The following GAB2 variants were observed in gnomAD, a reference collection of about 807,000 sequenced individuals.
The protein encoded by GAB2 is GRB2 associated binding protein 2, also known as GRB2-associated-binding protein 2.
A neutral mutation model predicts 65.5 loss-of-function variants in GAB2; 26 were observed. The ratio of observed to expected loss-of-function variants is 0.40; its 90% CI spans 0.29 to 0.55. The LOEUF is 0.55. GAB2 is among the 20% of genes least tolerant of loss of function. The pLI, the probability that GAB2 is intolerant of heterozygous loss-of-function variation, is 0.53. For synonymous variants in GAB2, 321 were observed against 329.6 expected (o/e 0.97, Z 0.28); for missense variants, 884 against 875.8 (o/e 1.01, Z -0.12).
chr11:78,325,563 A>G (rs1855807225), intron 1 of GAB2, among the ~76,000 whole-genome samples: 1 of 152,178 alleles, frequency 6.6e-6, no homozygotes, highest in Non-Finnish European at 1.5e-5. Flanking sequence ...ACATACGAAC[A>G]TACAGAGAGG....
Position 78,226,620 on chromosome 11 carries a change from G to GGGGGGGGGGGGGCC in GAB2, c.1051_1052insGGCCCCCCCCCCCC (p.Pro351ArgfsTer81). On this transcript the variant is annotated frameshift_variant, in exon 4 of 10. Transcript: ENST00000361507. LOFTEE classifies it high-confidence loss of function. Reference sequence around the variant, plus strand: ...ACTTGGCTTGGGGGGGCGGGGTGGGGGAGCTATGGCTGAGTCCCCAGGAGT... The same window carrying GGGGGGGGGGGGGCC: ...ACTTGGCTTGGGGGGGCGGGGTGGGGGGGGGGGGGGGGCCGAGCTATGGCTGAGTCCCCAGGAGT... The GGGGGGGGGGGGGCC allele has an allele frequency of 1.3e-6, 2 of 1,500,550 alleles. No homozygotes were observed. Among genetic ancestry groups the GGGGGGGGGGGGGCC allele is most frequent in the Non-Finnish European group, 9.3e-7 (1 of 1,079,016 alleles). The allele number at this position is 1,500,550 out of a possible 1,614,324, so 93.0% of individuals were successfully genotyped here.
At chr11:78,344,332 C>T (rs1293617399) in intron 1 of GAB2, among the ~76,000 whole-genome samples, 1 of 152,086 alleles carries the variant, frequency 6.6e-6, no homozygotes, top group Non-Finnish European at 1.5e-5. Flanking sequence ...ATGGCAGATG[C>T]TGTTTTTCTT....
At chr11:78,397,872 T>C (rs1451901885) in intron 1 of GAB2, among the ~76,000 whole-genome samples, 1 of 152,146 alleles carries the variant, frequency 6.6e-6, no homozygotes. Flanking sequence ...TTAGCCTCAA[T>C]AAGTTATAGT....
Position 78,417,753 on chromosome 11 carries a change from C to CGGACGA in GAB2, c.-39_-34dup, listed in dbSNP as rs1417770015. The CGGACGA allele has an allele frequency of 3.5e-6, 4 of 1,154,622 alleles. No homozygotes were observed. The highest frequency in any genetic ancestry group is 3.3e-5 in the African/African-American group (2 of 60,332). The allele number at this position is 1,154,622 out of a possible 1,614,324, so 71.5% of individuals were successfully genotyped here. On this transcript the variant is annotated 5_prime_UTR_variant, in exon 1 of 10. Coordinates refer to ENST00000361507, the MANE Select transcript of GAB2 (RefSeq NM_080491.3). ...GCCTGGAGCCCCCCGCCGGGTCGCG[C>CGGACGA]GGACGAGGGCGCGGGCTCGGGCAGC...
chr11:78,415,021 TCCATGACGCCCAG>T (rs1444399914), intron 1 of GAB2, among the ~76,000 whole-genome samples: 1 of 151,984 alleles, frequency 6.6e-6, no homozygotes, highest in Non-Finnish European at 1.5e-5. Flanking sequence ...ACAGATGCCC[TCCATGACGCCCAG>T]CTAATTTTTA....
At chr11:78,375,796 T>C (rs1023576258) in intron 1 of GAB2, among the ~76,000 whole-genome samples, 2 of 152,226 alleles carry the variant, frequency 1.3e-5, no homozygotes, top group South Asian at 2.1e-4. Flanking sequence ...AGATTTTCCT[T>C]GGGGACCACG....
At chr11:78,233,125 C>T (rs938284231) in intron 3 of GAB2, among the ~76,000 whole-genome samples, 2 of 150,022 alleles carry the variant, frequency 1.3e-5, no homozygotes, top group African/African-American at 2.5e-5. Context: ...CTGCAACCTC[C>T]GCCTCCTGGG....
chr11:78,223,897 A>G (rs1307116270), intron 5 of GAB2, among the ~76,000 whole-genome samples: 1 of 152,090 alleles, frequency 6.6e-6, no homozygotes, highest in Non-Finnish European at 1.5e-5. Flanking sequence ...CTTGGCCAAC[A>G]TGGCAAAACC....
chr11:78,391,388 A>G (rs1219502455), intron 1 of GAB2, among the ~76,000 whole-genome samples: 1 of 152,226 alleles, frequency 6.6e-6, no homozygotes, highest in Admixed American at 6.5e-5. Context: ...TTCCCTTTCC[A>G]TGAATCTGAG....
chr11:78,393,990 T>C (rs1240415757), intron 1 of GAB2, among the ~76,000 whole-genome samples: 1 of 152,218 alleles, frequency 6.6e-6, no homozygotes, highest in Non-Finnish European at 1.5e-5. Flanking sequence ...AAGAATTTAT[T>C]AAGAAGCCAT....
intron 1 of GAB2, among the ~76,000 whole-genome samples, chr11:78,311,075 C>G (rs1205681989): frequency 2.6e-5 from 4 of 152,138 alleles, no homozygotes; most frequent in African/African-American, 4.8e-5. Context: ...CAAGATGGGA[C>G]AGTTCTCAGA....
chr11:78,394,013 G>C (rs1856864388), intron 1 of GAB2, among the ~76,000 whole-genome samples: 1 of 152,250 alleles, frequency 6.6e-6, no homozygotes, highest in African/African-American at 2.4e-5. Context: ...TATGGGCCAG[G>C]CGTGGTGGCT....
chr11:78,271,764 G>A (rs531531880), intron 2 of GAB2, among the ~76,000 whole-genome samples: 172 of 152,328 alleles, frequency 1.1e-3, no homozygotes, highest in African/African-American at 2.7e-3. Context: ...AGGCCAAGGC[G>A]GGTGGATCAC....
intron 2 of GAB2, among the ~76,000 whole-genome samples, chr11:78,251,364 G>A (rs1402993283): frequency 6.6e-6 from 1 of 152,112 alleles, no homozygotes; most frequent in African/African-American, 2.4e-5. Flanking sequence ...CCTGTCTATT[G>A]GTCATTTTCC....
At chr11:78,333,411 G>A (rs1855948059) in intron 1 of GAB2, among the ~76,000 whole-genome samples, 1 of 152,148 alleles carries the variant, frequency 6.6e-6, no homozygotes, top group Non-Finnish European at 1.5e-5. Context: ...CTACAGGAAT[G>A]CACCACCATG....
intron 1 of GAB2, among the ~76,000 whole-genome samples, chr11:78,394,764 G>A (rs1034691574): frequency 1.3e-5 from 2 of 152,062 alleles, no homozygotes; most frequent in Non-Finnish European, 2.9e-5. Context: ...CACCCAAAAC[G>A]GCTGCCCAAT....
At chr11:78,304,525 A>C (rs2134632055) in intron 1 of GAB2, among the ~76,000 whole-genome samples, 1 of 152,206 alleles carries the variant, frequency 6.6e-6, no homozygotes, top group South Asian at 2.1e-4. Flanking sequence ...ACAATCTTAG[A>C]CTCTGGAGAG....
chr11:78,303,041 C>T (rs920916227), intron 1 of GAB2, among the ~76,000 whole-genome samples: 9 of 152,082 alleles, frequency 5.9e-5, no homozygotes, highest in Admixed American at 3.9e-4. Flanking sequence ...TTTGGGGACT[C>T]GGGAAAGGGT....
At chr11:78,221,807 G>T in intron 7 of GAB2, 28 bp from the exon 8 acceptor site, 1 of 1,501,552 alleles carries the variant, frequency 6.7e-7, no homozygotes, top group South Asian at 1.1e-5. Flanking sequence ...AGTTAACACT[G>T]GGGAAGCTGC....
Sources: gnomAD v4.1 joint callset for allele counts (sites outside exome capture counted in the v4.1 genomes callset) on GRCh38, gnomAD v4.1.1 for gene constraint, MANE v1.5 for transcripts, NCBI Gene and HGNC (gene_info 2026-07-23, HGNC 2026-07-21) for gene names.